The following ADGRE2 variants were observed in gnomAD, a reference collection of about 807,000 sequenced individuals.
ADGRE2 encodes adhesion G protein-coupled receptor E2.
In ADGRE2, 83 loss-of-function variants were observed where a neutral mutation model predicts 100.8. That is an observed-to-expected ratio of 0.82 (90% CI 0.69 to 0.99). The LOEUF (loss-of-function observed/expected upper bound fraction) is 0.99, where lower values mean the gene tolerates loss of function less well. Ranked by LOEUF, ADGRE2 falls within the 50% of genes least tolerant of loss-of-function variation. The pLI is 0.00. For missense variants in ADGRE2, 814 were observed against 1,035.7 expected, an observed-to-expected ratio of 0.79 and a Z score of 2.94; for synonymous variants, 355 against 413.0, an observed-to-expected ratio of 0.86 and a Z score of 1.70.
At chr19:14,773,146 G>T (rs1278580805) in intron 4 of ADGRE2, among the ~76,000 whole-genome samples, 1 of 147,088 alleles carries the variant, frequency 6.8e-6, no homozygotes, top group Non-Finnish European at 1.5e-5. Context: ...AAAAACCTAT[G>T]GCCAGAATGT....
At chr19:14,773,353 CCTCT>C (rs780208361) in intron 4 of ADGRE2, among the ~76,000 whole-genome samples, 9 of 146,044 alleles carry the variant, frequency 6.2e-5, no homozygotes, top group Non-Finnish European at 9.0e-5. Context: ...TCCCTCCCTC[CCTCT>C]CTCTCTTTTT....
chr19:14,728,077 G>A (rs780604748), downstream of ADGRE2, among the ~76,000 whole-genome samples: 14 of 152,290 alleles, frequency 9.2e-5, no homozygotes, highest in Non-Finnish European at 1.5e-4. Flanking sequence ...GCCGGGTGTG[G>A]TGGTGGGCGC....
chr19:14,758,206 GTGAAAAGACAAGAAAA>G (rs1334765164), intron 11 of ADGRE2, among the ~76,000 whole-genome samples: 3 of 152,332 alleles, frequency 2.0e-5, no homozygotes, highest in Non-Finnish European at 4.4e-5. Flanking sequence ...ATTCATTAAA[GTGAAAAGACAAGAAAA>G]TGAAAAGACA....
rs146158556 is a variant in ADGRE2 at position 14,747,724 on chromosome 19, C to G, written c.2025-762G>C. Among the ~76,000 whole-genome samples, 109 of 150,722 alleles carry G rather than the reference C, an allele frequency of 7.2e-4. 1 individual carries two copies. The East Asian group carries it at 0.021, about 28-fold the overall frequency. The stretch of plus-strand genomic sequence containing the variant: ...TCGGGAGGCTGAGGCATGAGAATTG[C>G]TTGAACCCAGGAAGCAGAGAGCAGA... On this transcript the variant is annotated intron_variant, in intron 16 of 20. Coordinates refer to ENST00000315576, the MANE Select transcript of ADGRE2 (RefSeq NM_013447.4).
chr19:14,739,625 C>T (rs2042866074), intron 20 of ADGRE2, among the ~76,000 whole-genome samples: 1 of 152,108 alleles, frequency 6.6e-6, no homozygotes, highest in Admixed American at 6.6e-5. Context: ...AATAATGACC[C>T]CCCAAAGAGG....
rs35688921 is a variant in ADGRE2 at position 14,773,080 on chromosome 19, C to CAA, written c.200-585_200-584dup. 2.1e-3 allele frequency among the ~76,000 whole-genome samples: 94 copies of CAA among 45,720 alleles called. 2 individuals are homozygous for CAA. Among genetic ancestry groups the CAA allele is most frequent in the African/African-American group, 5.3e-3 (51 of 9,570 alleles). The allele number at this position is 45,720 out of a possible 152,430, so 30.0% of individuals were successfully genotyped here. On this transcript the variant is annotated intron_variant, in intron 4 of 20. Transcript: ENST00000315576. ...TGAGCGACAGAGTGAGACTCCATCT[C>CAA]AAAAAAAAAAAAAAAAAACAAAAAA...
chr19:14,739,138 T>G (rs2042848983), intron 20 of ADGRE2, among the ~76,000 whole-genome samples: 1 of 151,910 alleles, frequency 6.6e-6, no homozygotes, highest in South Asian at 2.1e-4. Flanking sequence ...CCTGGCTAGT[T>G]TTTGTGTTTT....
downstream of ADGRE2, chr19:14,731,433 T>G: frequency 1.8e-6 from 1 of 551,070 alleles, no homozygotes; most frequent in South Asian, 2.4e-5. Context: ...GCAAGGAGAC[T>G]AAGGCCTGTG....
intron 1 of ADGRE2, 85 bp from the exon 2 acceptor site, chr19:14,777,012 A>ACACACACACACC: frequency 8.0e-7 from 1 of 1,253,588 alleles, no homozygotes; most frequent in Non-Finnish European, 1.0e-6. Flanking sequence ...ACACACACAC[A>ACACACACACACC]CACGTGTACT....
At chr19:14,730,732 T>C (rs1004024145), downstream of ADGRE2, among the ~76,000 whole-genome samples, 6 of 152,042 alleles carry the variant, frequency 3.9e-5, no homozygotes, top group African/African-American at 1.4e-4. Flanking sequence ...TGCATGATGC[T>C]GAGGTTTGGG....
At chr19:14,741,098 T>C (rs962649094) in intron 20 of ADGRE2, among the ~76,000 whole-genome samples, 1 of 149,520 alleles carries the variant, frequency 6.7e-6, no homozygotes, top group Admixed American at 6.7e-5. Flanking sequence ...GCTGTTTTTT[T>C]TTTTTTTTTT....
intron 4 of ADGRE2, among the ~76,000 whole-genome samples, chr19:14,773,650 T>C (rs960194421): frequency 7.9e-5 from 12 of 152,004 alleles, no homozygotes; most frequent in Admixed American, 3.3e-4. Context: ...TAGCTGGGAC[T>C]CCAGATGTGT....
At chr19:14,777,572 G>A (rs1054504876) in intron 1 of ADGRE2, among the ~76,000 whole-genome samples, 28 of 152,114 alleles carry the variant, frequency 1.8e-4, no homozygotes, top group African/African-American at 6.5e-4. Context: ...GCATACATGT[G>A]CCATGTTGGC....
chr19:14,739,032 G>A (rs977564864), intron 20 of ADGRE2, among the ~76,000 whole-genome samples: 4 of 144,574 alleles, frequency 2.8e-5, no homozygotes, highest in African/African-American at 5.2e-5. Context: ...GCAGTGGCTC[G>A]ATCTTGGCTT....
intron 11 of ADGRE2, among the ~76,000 whole-genome samples, chr19:14,761,663 A>C (rs1277025727): frequency 1.3e-5 from 2 of 152,106 alleles, no homozygotes; most frequent in African/African-American, 4.8e-5. Context: ...CCAATAGGAA[A>C]AGGCCACCTG....
intron 5 of ADGRE2, 155 bp downstream of exon 5, chr19:14,772,186 TG>T: frequency 9.2e-7 from 1 of 1,084,922 alleles, no homozygotes; most frequent in Non-Finnish European, 1.3e-6. Context: ...GCTGCCTCTC[TG>T]GGCTGGCGAA....
rs772549586 is a variant in ADGRE2 at position 14,766,367 on chromosome 19, T to G, written c.502A>C (p.Thr168Pro). 39 of 1,613,534 alleles carry G rather than the reference T, an allele frequency of 2.4e-5. No individual in the cohort carries two copies. The Admixed American group carries it at 6.2e-4, about 26-fold the overall frequency. ...CTGTGGCATGGGTTTTGTCCGGAGGTGCATTCATTCACATCTGAGGACAAA... is the reference window on the plus strand; with the variant it reads ...CTGTGGCATGGGTTTTGTCCGGAGGGGCATTCATTCACATCTGAGGACAAA... ...PKLCTDVNEC[T>P]SGQNPCHSST... The change falls in exon 7 of 21, where the codon ACC (threonine) becomes CCC (proline). Residue 168 changes from threonine (T) to proline (P), a missense_variant. Physicochemically the swap from Thr to Pro is conservative, Grantham distance 38. Transcript: ENST00000315576.
chr19:14,777,500 T>C (rs556259520), intron 1 of ADGRE2, among the ~76,000 whole-genome samples: 1 of 152,176 alleles, frequency 6.6e-6, no homozygotes, highest in East Asian at 1.9e-4. Flanking sequence ...AATTAATTAA[T>C]TAAATTTTTT....
intron 20 of ADGRE2, among the ~76,000 whole-genome samples, 176 bp from the exon 21 acceptor site, chr19:14,736,420 CCCG>C (rs2042746738): frequency 1.3e-5 from 2 of 152,026 alleles, no homozygotes; most frequent in Non-Finnish European, 2.9e-5. Context: ...TGCCACCACA[CCCG>C]GCTAATTTTG....
Sources: allele counts gnomAD v4.1 joint callset (sites outside exome capture counted in the v4.1 genomes callset), GRCh38; gene constraint gnomAD v4.1.1; transcripts MANE v1.5; gene names NCBI Gene and HGNC (gene_info 2026-07-23, HGNC 2026-07-21).